PRDM16: variants seen among roughly 807,000 people sequenced by gnomAD.
The protein encoded by PRDM16 is PR/SET domain 16.
Under a neutral mutation model 110.6 loss-of-function variants are expected in PRDM16, and 23 were observed. The observed-to-expected ratio is 0.21, with a 90% CI of 0.15 to 0.29. The LOEUF (loss-of-function observed/expected upper bound fraction) is 0.29. Ranked by LOEUF, PRDM16 falls within the 10% of genes least tolerant of loss-of-function variation. The pLI, the probability that PRDM16 is intolerant of heterozygous loss-of-function variation, is 1.00. For missense variants in PRDM16, 1,615 were observed against 1,794.3 expected (o/e 0.90, Z 1.81); for synonymous variants, 799 against 781.8 (o/e 1.02, Z -0.37).
At chr1:3,173,830 G>A (rs961567949) in intron 1 of PRDM16, among the ~76,000 whole-genome samples, 1 of 152,200 alleles carries the variant, frequency 6.6e-6, no homozygotes, top group Non-Finnish European at 1.5e-5. Flanking sequence ...TTATGCTCCC[G>A]GTGCAAAGCC....
At chr1:3,205,313 G>C (rs6663835) in intron 2 of PRDM16, among the ~76,000 whole-genome samples, 51,060 of 152,046 alleles carry the variant, frequency 0.34, 10,844 homozygotes, top group African/African-American at 0.59. Flanking sequence ...CCACCCCGCC[G>C]GGGAGACCGC....
intron 1 of PRDM16, among the ~76,000 whole-genome samples, chr1:3,072,752 G>A (rs1641797186): frequency 6.6e-6 from 1 of 152,196 alleles, no homozygotes; most frequent in African/African-American, 2.4e-5. Flanking sequence ...GCGCCAGGAC[G>A]TCCGGCGGGA....
At chr1:3,430,755 G>T in intron 14 of PRDM16, 117 bp from the exon 15 acceptor site, 2 of 1,249,120 alleles carry the variant, frequency 1.6e-6, no homozygotes. Context: ...CCTCAGGAAG[G>T]GGGCTGAGTG....
chr1:3,352,548 G>A (rs976922167), intron 3 of PRDM16, among the ~76,000 whole-genome samples: 3 of 152,182 alleles, frequency 2.0e-5, no homozygotes, highest in Non-Finnish European at 2.9e-5. Flanking sequence ...CCCAGCCTCT[G>A]TGATTAAGCC....
intron 3 of PRDM16, among the ~76,000 whole-genome samples, chr1:3,323,550 G>T (rs1641812154): frequency 6.6e-6 from 1 of 152,226 alleles, no homozygotes; most frequent in Non-Finnish European, 1.5e-5. Flanking sequence ...GGAAGTCCGT[G>T]AGGATCAGGG....
chr1:3,216,727 G>C (rs923609751), intron 2 of PRDM16, among the ~76,000 whole-genome samples: 3 of 152,230 alleles, frequency 2.0e-5, no homozygotes, highest in Non-Finnish European at 4.4e-5. Flanking sequence ...AGAGAGTCTA[G>C]GCCCATGCCT....
chr1:3,098,022 A>C (rs1265808806), intron 1 of PRDM16, among the ~76,000 whole-genome samples: 1 of 152,142 alleles, frequency 6.6e-6, no homozygotes, highest in East Asian at 1.9e-4. Context: ...CTCCTCCAGC[A>C]GGACTGGAAA....
At chr1:3,399,967 T>C (rs1460488368) in intron 5 of PRDM16, among the ~76,000 whole-genome samples, 1 of 152,222 alleles carries the variant, frequency 6.6e-6, no homozygotes, top group South Asian at 2.1e-4. Context: ...TGTTCTGCAA[T>C]GGTCTTGGTG....
At chr1:3,131,838 G>A (rs1643341739) in intron 1 of PRDM16, among the ~76,000 whole-genome samples, 1 of 152,162 alleles carries the variant, frequency 6.6e-6, no homozygotes, top group Non-Finnish European at 1.5e-5. Flanking sequence ...CAGCTCTCCT[G>A]GGACCCGCCT....
rs1638818901 is a variant in PRDM16, at chr1:3,209,058, T to G, written c.387+22584T>G. ...AAGGGTATTTAGGGACAGAGAGCAG[T>G]GGGAATTCAGAAGGAGCTCAGAAGG... is the stretch of plus-strand genomic sequence containing the variant. On this transcript the variant is annotated intron_variant, in intron 2 of 16. Transcript: ENST00000270722. The surrounding 1 kb of genome is among the most constrained non-coding windows in gnomAD (Gnocchi z 4.6). Among the ~76,000 whole-genome samples, 1 of 152,112 alleles carries G rather than the reference T, an allele frequency of 6.6e-6. No homozygotes were observed. Among genetic ancestry groups the G allele is most frequent in the Non-Finnish European group, 1.5e-5 (1 of 68,008 alleles).
intron 2 of PRDM16, among the ~76,000 whole-genome samples, chr1:3,242,808 A>G (rs1557552835): frequency 6.6e-6 from 1 of 152,158 alleles, no homozygotes; most frequent in Non-Finnish European, 1.5e-5. Context: ...CTTTGGCTTG[A>G]GCATCATTTT....
intron 1 of PRDM16, among the ~76,000 whole-genome samples, chr1:3,075,401 CGTCCCCTG>C (rs1254274929): frequency 1.3e-5 from 2 of 152,258 alleles, no homozygotes; most frequent in African/African-American, 4.8e-5. Context: ...TTCAGTTCCT[CGTCCCCTG>C]GGGACAAATG....
At chr1:3,346,061 G>C (rs1025499435) in intron 3 of PRDM16, among the ~76,000 whole-genome samples, 1 of 152,262 alleles carries the variant, frequency 6.6e-6, no homozygotes, top group Non-Finnish European at 1.5e-5. Context: ...CTCATTCTCC[G>C]TCAACACCCA....
chr1:3,107,810 C>A (rs1009352108), intron 1 of PRDM16, among the ~76,000 whole-genome samples: 1 of 152,270 alleles, frequency 6.6e-6, no homozygotes, highest in Non-Finnish European at 1.5e-5. Context: ...GCCTCACTCT[C>A]TCCCTGCCCT....
intron 2 of PRDM16, among the ~76,000 whole-genome samples, chr1:3,214,552 C>T (rs1283947858): frequency 6.6e-6 from 1 of 152,176 alleles, no homozygotes; most frequent in Non-Finnish European, 1.5e-5. Flanking sequence ...CAAAAACTAG[C>T]TGGGTGTGGT....
At chr1:3,119,279 C>T (rs560204797) in intron 1 of PRDM16, among the ~76,000 whole-genome samples, 7 of 152,362 alleles carry the variant, frequency 4.6e-5, no homozygotes, top group Admixed American at 6.5e-5. Context: ...GTGCCTCGGC[C>T]GGTGCCGTGG....
chr1:3,157,339 G>A lies in PRDM16; in HGVS notation c.38-28786G>A, dbSNP rs926818600. 3.3e-5 allele frequency among the ~76,000 whole-genome samples: 5 copies of A among 150,448 alleles called. No homozygotes were observed. Among genetic ancestry groups the A allele is most frequent in the African/African-American group, 9.8e-5 (4 of 40,670 alleles). On this transcript the variant is annotated intron_variant, in intron 1 of 16. Coordinates refer to ENST00000270722, the MANE Select transcript of PRDM16 (RefSeq NM_022114.4). This position sits in a 1 kb window ranked among gnomAD's most constrained non-coding sequence, Gnocchi z 4.8. ...CAGCCAGCATTTTGTTGTGTTTACCGCATTTATTCTATTGATTGACTGAAT... is the reference window on the plus strand; with the variant it reads ...CAGCCAGCATTTTGTTGTGTTTACCACATTTATTCTATTGATTGACTGAAT...
At chr1:3,180,741 CAG>C (rs1203861502) in intron 1 of PRDM16, among the ~76,000 whole-genome samples, 8 of 130,512 alleles carry the variant, frequency 6.1e-5, no homozygotes, top group Admixed American at 5.8e-4. Context: ...GGTCTCCAGA[CAG>C]AAGAGAAACA....
intron 2 of PRDM16, among the ~76,000 whole-genome samples, chr1:3,203,597 G>A (rs1638682389): frequency 6.6e-6 from 1 of 152,224 alleles, no homozygotes; most frequent in Admixed American, 6.5e-5. Flanking sequence ...GGGCCAGGGT[G>A]TGGTGCAGAT....
Sources: allele counts gnomAD v4.1 joint callset (sites outside exome capture counted in the v4.1 genomes callset), GRCh38; gene constraint gnomAD v4.1.1; non-coding constraint Gnocchi (gnomAD v3.1); transcripts MANE v1.5; gene names NCBI Gene and HGNC (gene_info 2026-07-23, HGNC 2026-07-21).